Variants in VIT observed in about 807,000 individuals in gnomAD.
VIT encodes vitrin.
A neutral mutation model predicts 78.0 loss-of-function variants in VIT; 99 were observed. The ratio of observed to expected loss-of-function variants is 1.27; its 90% CI spans 1.08 to 1.50. The LOEUF (loss-of-function observed/expected upper bound fraction) is 1.50. Among genes scored for constraint, VIT ranks in the 40% most tolerant of loss-of-function variants. The pLI is 0.00. For synonymous variants in VIT, 374 were observed against 334.3 expected (o/e 1.12, Z -1.29); for missense variants, 1,126 against 875.3 (o/e 1.29, Z -3.61).
rs1669389307 is a variant in VIT, at chr2:36,765,702, A to G, written c.488-1392A>G. 2.0e-5 allele frequency among the ~76,000 whole-genome samples: 3 copies of G among 152,282 alleles called. No individual in the cohort carries two copies. In the South Asian group the frequency reaches 6.2e-4, roughly 31 times the overall value. ...CCTTGAAAACTAAAGTGGCATGGCC[A>G]CAAGCCAAGGAATGCCAGCAGTCAG... is the stretch of plus-strand genomic sequence containing the variant. On this transcript the variant is annotated intron_variant, in intron 6 of 15. Transcript: ENST00000379242.
In VIT at chr2:36,720,440, G is replaced by A. The variant is rs371527846; in HGVS notation, c.52+4018G>A. 1.4e-4 allele frequency among the ~76,000 whole-genome samples: 22 copies of A among 152,206 alleles called. No homozygotes were observed. In the East Asian group the frequency reaches 1.9e-3, roughly 13 times the overall value. ...TATTGGGAAAATAATATATCCACAC[G>A]CAGAAGAATGTAATTGGGCCCTTAG... is the stretch of plus-strand genomic sequence containing the variant. On this transcript the variant is annotated intron_variant, in intron 2 of 15. Coordinates refer to ENST00000379242, the MANE Select transcript of VIT (RefSeq NM_053276.4).
chr2:36,788,788 T>A (rs1319909042), intron 12 of VIT, among the ~76,000 whole-genome samples: 1 of 152,210 alleles, frequency 6.6e-6, no homozygotes, highest in East Asian at 1.9e-4. Flanking sequence ...TAAAAATAGC[T>A]GCTTTAAAAG....
chr2:36,792,040 G>T (rs981452655), intron 12 of VIT, among the ~76,000 whole-genome samples: 1 of 152,162 alleles, frequency 6.6e-6, no homozygotes, highest in Non-Finnish European at 1.5e-5. Flanking sequence ...AGCAGGAAGG[G>T]GCTGTCTGGG....
At chr2:36,799,784 A>G (rs1429359238) in intron 12 of VIT, among the ~76,000 whole-genome samples, 1 of 152,050 alleles carries the variant, frequency 6.6e-6, no homozygotes, top group Non-Finnish European at 1.5e-5. Context: ...TTGGTGGCTC[A>G]TGCCTGTAAT....
intron 3 of VIT, among the ~76,000 whole-genome samples, chr2:36,733,087 G>C (rs1424361005): frequency 6.6e-6 from 1 of 152,180 alleles, no homozygotes; most frequent in Non-Finnish European, 1.5e-5. Flanking sequence ...GGACTTCTTC[G>C]AGAGGGCAAT....
chr2:36,722,266 A>C (rs969021719), intron 2 of VIT, among the ~76,000 whole-genome samples: 1 of 152,168 alleles, frequency 6.6e-6, no homozygotes, highest in Non-Finnish European at 1.5e-5. Flanking sequence ...AAGTGGAGTA[A>C]AGAGGCCGAC....
chr2:36,779,365 T>A (rs1366256999), intron 9 of VIT, among the ~76,000 whole-genome samples: 3 of 152,240 alleles, frequency 2.0e-5, no homozygotes, highest in East Asian at 3.8e-4. Context: ...AAGTGCTCAG[T>A]CAGTGCCTGA....
intron 2 of VIT, among the ~76,000 whole-genome samples, chr2:36,726,220 G>A (rs986520745): frequency 2.0e-5 from 3 of 152,102 alleles, no homozygotes; most frequent in Non-Finnish European, 2.9e-5. Context: ...TTAAATCAAA[G>A]TTTGGTTAAG....
chr2:36,735,866 C>A (rs2148500226), intron 3 of VIT, among the ~76,000 whole-genome samples: 1 of 152,280 alleles, frequency 6.6e-6, no homozygotes, highest in Admixed American at 6.5e-5. Context: ...CTTTGCGACA[C>A]ACTGCCCTCT....
At chr2:36,731,041 C>T (rs1667172436) in intron 3 of VIT, among the ~76,000 whole-genome samples, 1 of 152,116 alleles carries the variant, frequency 6.6e-6, no homozygotes, top group African/African-American at 2.4e-5. Context: ...AAGACAGGTT[C>T]TCAGTCCAGT....
chr2:36,801,709 G>A (rs1261842032), intron 13 of VIT, among the ~76,000 whole-genome samples: 1 of 151,306 alleles, frequency 6.6e-6, no homozygotes, highest in Non-Finnish European at 1.5e-5. Flanking sequence ...TTGGGAGGCT[G>A]AGGTTGCAGT....
chr2:36,732,535 C>CT lies in VIT; in HGVS notation c.118+3053dup, dbSNP rs200328680. Among the ~76,000 whole-genome samples, 288 of 151,784 alleles carry CT rather than the reference C, an allele frequency of 1.9e-3. 1 individual carries two copies. Among genetic ancestry groups the CT allele is most frequent in the African/African-American group, 6.5e-3 (268 of 41,402 alleles). ...GCTTGAGGCCAAAGTCATTTTCTTTCTTTTTTTTTCTATTCAACACTGTCA... is the reference window on the plus strand; with the variant it reads ...GCTTGAGGCCAAAGTCATTTTCTTTCTTTTTTTTTTCTATTCAACACTGTCA... On this transcript the variant is annotated intron_variant, in intron 3 of 15. Transcript: ENST00000379242.
At chr2:36,807,864 T>TGCCACAA (rs1666843834) in intron 14 of VIT, among the ~76,000 whole-genome samples, 3 of 152,188 alleles carry the variant, frequency 2.0e-5, no homozygotes, top group African/African-American at 7.2e-5. Context: ...AGTCCCCTCA[T>TGCCACAA]AGCTTAGTTT....
intron 4 of VIT, among the ~76,000 whole-genome samples, chr2:36,745,411 C>A (rs997086632): frequency 1.3e-5 from 2 of 152,094 alleles, no homozygotes; most frequent in African/African-American, 4.8e-5. Context: ...GCAGTATGGT[C>A]ATTTTAACAA....
intron 7 of VIT, among the ~76,000 whole-genome samples, chr2:36,769,814 C>T (rs1369291264): frequency 6.6e-6 from 1 of 152,146 alleles, no homozygotes; most frequent in Admixed American, 6.5e-5. Context: ...AAAGAAATCC[C>T]GTGCCCATAA....
chr2:36,716,464 T>G, intron 2 of VIT, 42 bp downstream of exon 2: 1 of 1,596,608 alleles, frequency 6.3e-7, no homozygotes, highest in Non-Finnish European at 8.6e-7. Flanking sequence ...CTTTTAAAAT[T>G]TTCCTAAGAT....
At chr2:36,812,423 T>C (rs1480149446) in intron 15 of VIT, among the ~76,000 whole-genome samples, 1 of 142,880 alleles carries the variant, frequency 7.0e-6, no homozygotes, top group Non-Finnish European at 1.5e-5. Context: ...GAATAGGCTA[T>C]TGTAGAGTAA....
intron 2 of VIT, among the ~76,000 whole-genome samples, chr2:36,728,217 C>T (rs1666973556): frequency 6.6e-6 from 1 of 152,080 alleles, no homozygotes; most frequent in South Asian, 2.1e-4. Flanking sequence ...AGGCGTGAGC[C>T]ACCACGTCCA....
At chr2:36,730,044 C>T (rs575306389) in intron 3 of VIT, among the ~76,000 whole-genome samples, 7 of 152,160 alleles carry the variant, frequency 4.6e-5, no homozygotes, top group African/African-American at 1.7e-4. Context: ...GCCTGTAATC[C>T]CAGCACTTTG....
Sources: allele counts gnomAD v4.1 joint callset (sites outside exome capture counted in the v4.1 genomes callset), GRCh38; gene constraint gnomAD v4.1.1; transcripts MANE v1.5; gene names NCBI Gene and HGNC (gene_info 2026-07-23, HGNC 2026-07-21).